ANKRD36: variants seen among roughly 807,000 people sequenced by gnomAD.
The protein encoded by ANKRD36 is ankyrin repeat domain-containing protein 36A.
ANKRD36 carries 179 observed loss-of-function variants against 278.1 expected under a neutral mutation model. That is an observed-to-expected ratio of 0.64 (90% CI 0.57 to 0.73). The LOEUF is 0.73. Ranked by LOEUF, ANKRD36 falls within the 30% of genes least tolerant of loss-of-function variation. The pLI is 0.00. For synonymous variants in ANKRD36, 320 were observed against 641.1 expected, an observed-to-expected ratio of 0.50 and a Z score of 7.57; for missense variants, 1,159 against 1,956.7, an observed-to-expected ratio of 0.59 and a Z score of 7.69.
intron 6 of ANKRD36, among the ~76,000 whole-genome samples, chr2:97,138,293 C>T (rs1372471377): frequency 1.3e-5 from 2 of 151,946 alleles, no homozygotes; most frequent in African/African-American, 4.8e-5. Flanking sequence ...CATTCCTATA[C>T]ACCAGTAATA....
intron 38 of ANKRD36, 77 bp downstream of exon 38, chr2:97,193,130 G>A (rs913520095): frequency 1.5e-5 from 20 of 1,348,500 alleles, no homozygotes; most frequent in Non-Finnish European, 1.9e-5. Context: ...AAATCAGCGG[G>A]GGGCTCGTTG....
At chr2:97,233,473 A>G (rs1235219169) in intron 67 of ANKRD36, among the ~76,000 whole-genome samples, 1 of 151,884 alleles carries the variant, frequency 6.6e-6, no homozygotes, top group Non-Finnish European at 1.5e-5. Flanking sequence ...ACATTCTCTT[A>G]ATCTTTGTTC....
At position 97,194,741 on chromosome 2, in the gene ANKRD36, A is replaced by T; in HGVS notation, c.2465A>T (p.Lys822Ile). 6.2e-7 allele frequency: 1 copy of T among 1,604,808 alleles called. No individual in the cohort carries two copies. Among genetic ancestry groups the T allele is most frequent in the African/African-American group, 1.3e-5 (1 of 74,798 alleles). The change falls in exon 39 of 76, where the codon AAA (lysine) becomes ATA (isoleucine). Residue 822 changes from lysine to isoleucine, a missense_variant. Coordinates refer to ENST00000420699, the MANE Select transcript of ANKRD36 (RefSeq NM_001354587.1). ...TGCTTTTCAGTGTCTTCTCGGAAAAAACCAGCCTTGAAGGTAATGAAACTC... is the reference window on the plus strand; with the variant it reads ...TGCTTTTCAGTGTCTTCTCGGAAAATACCAGCCTTGAAGGTAATGAAACTC... ...EKSRTVSSRKKPALKATSDEK... is the reference protein window; with the variant it reads ...EKSRTVSSRKIPALKATSDEK...
At chr2:97,195,040 A>G in intron 40 of ANKRD36, 123 bp downstream of exon 40, 2 of 1,378,342 alleles carry the variant, frequency 1.5e-6, no homozygotes, top group East Asian at 2.5e-5. Flanking sequence ...GAGATTCTTC[A>G]TTTCTAATAA....
chr2:97,258,867 C>G (rs1401237446), intron 75 of ANKRD36, among the ~76,000 whole-genome samples: 1 of 139,250 alleles, frequency 7.2e-6, no homozygotes, highest in African/African-American at 2.5e-5. Context: ...GAAATGGATT[C>G]ATGACCTCTG....
chr2:97,243,090 T>G (rs1275231206), intron 69 of ANKRD36, among the ~76,000 whole-genome samples: 1 of 133,898 alleles, frequency 7.5e-6, no homozygotes, highest in African/African-American at 2.5e-5. Flanking sequence ...TGTAAGATAT[T>G]TGAAGAGATT....
At position 97,139,961 on chromosome 2, in the gene ANKRD36, C is replaced by A. The variant is rs2042452129; in HGVS notation, c.800-2679C>A. ...CCTGGATGTCAAATGACAAATAGGC[C>A]CTTGAAGAAAAAACACCCTGTAAAG... On this transcript the variant is annotated intron_variant, in intron 6 of 75. Coordinates refer to ENST00000420699, the MANE Select transcript of ANKRD36 (RefSeq NM_001354587.1). 2.0e-5 allele frequency among the ~76,000 whole-genome samples: 3 copies of A among 151,636 alleles called. No homozygotes were observed. The South Asian group carries it at 6.3e-4, about 32-fold the overall frequency.
In ANKRD36 at chr2:97,209,487, A is replaced by C. The variant is rs960231675; in HGVS notation, c.3266-194A>C. Among the ~76,000 whole-genome samples the C allele has an allele frequency of 1.4e-5, 2 of 146,288 alleles. 1 individual carries two copies. The highest frequency in any genetic ancestry group is 5.3e-5 in the African/African-American group (2 of 37,490). ...ATATAATGTTTGAAATTGTAAGGGT[A>C]TATTTCATGGAGCCTGTGTTCCCTT... On this transcript the variant is annotated intron_variant, in intron 54 of 75. Transcript: ENST00000420699.
Position 97,142,668 on chromosome 2 carries a change from G to A in ANKRD36, c.828G>A (p.Lys276=). 1.9e-6 allele frequency: 3 copies of A among 1,609,638 alleles called. No homozygotes were observed. Among genetic ancestry groups the A allele is most frequent in the Non-Finnish European group, 2.5e-6 (3 of 1,179,136 alleles). The change falls in exon 7 of 76, where the codon AAG becomes AAA. Residue 276 remains lysine (K), a splice_region_variant and synonymous_variant. Transcript: ENST00000420699. ...CTTCTCAGAAACAACCAGCCTTGAA[G>A]GTAATTACACATTCATTTCTGTTTT... ...PVSSQKQPAL[K]ATSGKEDSIS... is the part of the protein sequence containing the mutation.
At chr2:97,187,069 A>C in intron 30 of ANKRD36, 129 bp from the exon 31 acceptor site, 1 of 1,478,138 alleles carries the variant, frequency 6.8e-7, no homozygotes, top group Non-Finnish European at 9.1e-7. Context: ...CTTAAGACAT[A>C]AAGTAGAAAA....
chr2:97,217,882 T>C (rs1325408616), intron 64 of ANKRD36, among the ~76,000 whole-genome samples: 1 of 151,460 alleles, frequency 6.6e-6, no homozygotes, highest in African/African-American at 2.4e-5. Context: ...AGAAGTTATT[T>C]AGGTAATTTT....
intron 62 of ANKRD36, among the ~76,000 whole-genome samples, chr2:97,216,030 A>G (rs1314870480): frequency 6.6e-6 from 1 of 151,772 alleles, no homozygotes; most frequent in Non-Finnish European, 1.5e-5. Context: ...AGGAAAGCTG[A>G]GTGAACTCAC....
At chr2:97,210,844 A>G (rs1444066831) in intron 56 of ANKRD36, among the ~76,000 whole-genome samples, 8 of 151,966 alleles carry the variant, frequency 5.3e-5, no homozygotes, top group African/African-American at 1.7e-4. Flanking sequence ...AAAGTTGATA[A>G]TTGATGATAT....
chr2:97,172,831 ATGTGTG>A (rs368506104), intron 22 of ANKRD36, among the ~76,000 whole-genome samples: 7 of 146,394 alleles, frequency 4.8e-5, no homozygotes, highest in Admixed American at 1.4e-4. Flanking sequence ...TTGTGTGTGA[ATGTGTG>A]TGTGTGTGTG....
At chr2:97,140,177 G>A (rs1001478495) in intron 6 of ANKRD36, among the ~76,000 whole-genome samples, 1 of 151,460 alleles carries the variant, frequency 6.6e-6, no homozygotes, top group Non-Finnish European at 1.5e-5. Context: ...TGTCTTATTT[G>A]TACCTGCAAA....
intron 53 of ANKRD36, 27 bp downstream of exon 53, chr2:97,207,866 A>C (rs1433565597): frequency 2.6e-6 from 4 of 1,545,558 alleles, no homozygotes; most frequent in Non-Finnish European, 3.5e-6. Context: ...TTATATTGTG[A>C]ACTAGTAAAT....
At chr2:97,189,472 A>T (rs200996933) in intron 34 of ANKRD36, among the ~76,000 whole-genome samples, 182 bp downstream of exon 34, 1 of 88,146 alleles carries the variant, frequency 1.1e-5, no homozygotes, top group African/African-American at 2.6e-5. Context: ...CTGGCTTGGA[A>T]CGTGATCTTC....
At chr2:97,178,633 T>A (rs1575403166) in intron 22 of ANKRD36, among the ~76,000 whole-genome samples, 2 of 134,468 alleles carry the variant, frequency 1.5e-5, no homozygotes, top group Non-Finnish European at 3.1e-5. Context: ...AACAATGAGA[T>A]CACATGGACA....
intron 67 of ANKRD36, among the ~76,000 whole-genome samples, chr2:97,228,304 C>T (rs1356730522): frequency 6.6e-6 from 1 of 152,066 alleles, no homozygotes; most frequent in Non-Finnish European, 1.5e-5. Context: ...ATTATTGCCA[C>T]AATTTCAGAT....
Sources: gnomAD v4.1 joint callset for allele counts (sites outside exome capture counted in the v4.1 genomes callset) on GRCh38, gnomAD v4.1.1 for gene constraint, MANE v1.5 for transcripts, NCBI Gene and HGNC (gene_info 2026-07-23, HGNC 2026-07-21) for gene names.